SIK3: variants seen among roughly 807,000 people sequenced by gnomAD.
SIK3 encodes the protein serine/threonine-protein kinase SIK3.
A neutral mutation model predicts 144.2 loss-of-function variants in SIK3; 28 were observed. The ratio of observed to expected loss-of-function variants is 0.19; its 90% CI spans 0.14 to 0.27. SIK3 has a LOEUF of 0.27. Among genes scored for constraint, SIK3 ranks in the 10% least tolerant of loss-of-function variants. The pLI, the probability that SIK3 is intolerant of heterozygous loss-of-function variation, is 1.00. For missense variants in SIK3, 1,319 were observed against 1,776.0 expected (o/e 0.74, Z 4.62); for synonymous variants, 686 against 676.3 (o/e 1.01, Z -0.22).
Position 117,013,907 on chromosome 11 carries a change from G to GTGTGTGTGTGTGTAT in SIK3, c.274-56844_274-56843insATACACACACACACA, listed in dbSNP as rs1485971413. Among the ~76,000 whole-genome samples the GTGTGTGTGTGTGTAT allele has an allele frequency of 1.3e-4, 6 of 44,836 alleles. 1 individual carries two copies. The highest frequency in any genetic ancestry group is 2.6e-4 in the Non-Finnish European group (5 of 18,994). 29.4% of individuals were successfully genotyped at this position (44,836 alleles called of 152,430 possible). On this transcript the variant is annotated intron_variant, in intron 1 of 24. Coordinates refer to ENST00000445177, the MANE Select transcript of SIK3 (RefSeq NM_001366686.3). ...TAAGTCTCCAGATTCTGAGGGGGGGGGGGGGAGGGTGTGTGTGTGTGTGTG... is the reference window on the plus strand; with the variant it reads ...TAAGTCTCCAGATTCTGAGGGGGGGGTGTGTGTGTGTGTATGGGGGAGGGTGTGTGTGTGTGTGTG...
intron 1 of SIK3, among the ~76,000 whole-genome samples, chr11:117,033,395 A>T (rs1952350718): frequency 6.6e-6 from 1 of 152,200 alleles, no homozygotes; most frequent in Non-Finnish European, 1.5e-5. Context: ...ACCCTCAATG[A>T]ACTACATAAA....
At position 116,867,237 on chromosome 11, in the gene SIK3, A is replaced by AT. The variant is rs934533309; in HGVS notation, c.1952+708dup. On this transcript the variant is annotated intron_variant, in intron 15 of 24. Coordinates refer to ENST00000445177, the MANE Select transcript of SIK3 (RefSeq NM_001366686.3). This position sits in a 1 kb window ranked among gnomAD's most constrained non-coding sequence, Gnocchi z 4.1. ...TAGCTTCGGAGTGGCCAAGACTGAG[A>AT]TTTTTAGTCATCAAGATAGTCACAG... Among the ~76,000 whole-genome samples, 5 of 152,134 alleles carry AT rather than the reference A, an allele frequency of 3.3e-5. No homozygotes were observed. The highest frequency in any genetic ancestry group is 1.2e-4 in the African/African-American group (5 of 41,432).
At chr11:116,987,433 G>A (rs1303281107) in intron 1 of SIK3, among the ~76,000 whole-genome samples, 2 of 151,820 alleles carry the variant, frequency 1.3e-5, no homozygotes, top group African/African-American at 4.8e-5. Flanking sequence ...CTTCAATCCA[G>A]CAGAAATAAA....
At position 116,843,939 on chromosome 11, in the gene SIK3, C is replaced by T. The variant is rs1941722671; in HGVS notation, c.*1704G>A. ...AGCTGCCAGTATCAGTGGAGAAGGA[C>T]AAGGTGCATGGGGATCCCGCCAGCA... On this transcript the variant is annotated 3_prime_UTR_variant, in exon 25 of 25. Transcript: ENST00000445177. 6.6e-6 allele frequency: 1 copy of T among 152,116 alleles called. No homozygotes were observed. Among genetic ancestry groups the T allele is most frequent in the African/African-American group, 2.4e-5 (1 of 41,394 alleles). The allele number at this position is 152,116 out of a possible 1,614,324, so 9.4% of individuals were successfully genotyped here. A position where few individuals can be genotyped will look rare whatever the true frequency, so the allele number is the denominator to read the frequency against.
intron 1 of SIK3, among the ~76,000 whole-genome samples, chr11:117,045,895 T>C (rs977988789): frequency 6.6e-6 from 1 of 152,220 alleles, no homozygotes; most frequent in Non-Finnish European, 1.5e-5. Context: ...AATCATCCAG[T>C]TTAAACTTTT....
rs534401283 is a variant in SIK3 at position 116,997,561 on chromosome 11, T to G, written c.274-40497A>C. 7.9e-4 allele frequency among the ~76,000 whole-genome samples: 120 copies of G among 152,282 alleles called. 4 individuals are homozygous for G. Among genetic ancestry groups the G allele is most frequent in the Admixed American group, 7.1e-3 (109 of 15,286 alleles). ...TATACACTATTAAAGAAGCAAACATTTATTAATTTATATTTTGCTTTGATT... is the reference window on the plus strand; with the variant it reads ...TATACACTATTAAAGAAGCAAACATGTATTAATTTATATTTTGCTTTGATT... On this transcript the variant is annotated intron_variant, in intron 1 of 24. Coordinates refer to ENST00000445177, the MANE Select transcript of SIK3 (RefSeq NM_001366686.3).
chr11:117,088,850 A>T (rs1591685476), intron 1 of SIK3, among the ~76,000 whole-genome samples: 1 of 131,418 alleles, frequency 7.6e-6, no homozygotes, highest in South Asian at 2.6e-4. Flanking sequence ...GGTTATTTTT[A>T]TTATTATTAT....
chr11:116,875,807 T>C (rs564420906), intron 9 of SIK3, 59 bp downstream of exon 9: 14 of 1,536,484 alleles, frequency 9.1e-6, no homozygotes, highest in South Asian at 6.3e-5. Context: ...GAGCAACAGC[T>C]AACCTTTACC....
At chr11:117,072,596 G>GA (rs1208733454) in intron 1 of SIK3, among the ~76,000 whole-genome samples, 1 of 152,114 alleles carries the variant, frequency 6.6e-6, no homozygotes, top group African/African-American at 2.4e-5. Flanking sequence ...TAATACATAT[G>GA]AAAGATTTTG....
intron 1 of SIK3, among the ~76,000 whole-genome samples, chr11:116,977,682 AAC>A (rs1949996556): frequency 6.6e-6 from 1 of 152,142 alleles, no homozygotes; most frequent in South Asian, 2.1e-4. Context: ...CAAACTAAGA[AAC>A]AGTCTTTGGT....
chr11:117,093,732 G>A (rs539558604), intron 1 of SIK3, among the ~76,000 whole-genome samples: 1 of 151,280 alleles, frequency 6.6e-6, no homozygotes, highest in African/African-American at 2.4e-5. Context: ...GATTTCATGA[G>A]ATTAGCCAGC....
chr11:117,071,551 T>C (rs1465539673), intron 1 of SIK3, among the ~76,000 whole-genome samples: 1 of 151,854 alleles, frequency 6.6e-6, no homozygotes, highest in Non-Finnish European at 1.5e-5. Context: ...TATTTGTAGA[T>C]GAAACAGAAG....
chr11:117,036,017 G>C, intron 1 of SIK3: 1 of 1,482,554 alleles, frequency 6.7e-7, no homozygotes, highest in East Asian at 2.3e-5. Context: ...CTCCTTTTCT[G>C]GAGAGGGATG....
At chr11:116,983,250 G>A (rs183997639) in intron 1 of SIK3, among the ~76,000 whole-genome samples, 8 of 143,010 alleles carry the variant, frequency 5.6e-5, no homozygotes, top group Admixed American at 2.2e-4. Context: ...AAAATTGATC[G>A]GCCAGGCATG....
intron 21 of SIK3, among the ~76,000 whole-genome samples, chr11:116,851,015 G>C (rs937900726): frequency 6.6e-6 from 1 of 152,068 alleles, no homozygotes; most frequent in Admixed American, 6.6e-5. Flanking sequence ...TCTCAAAAAA[G>C]AATAATAAAA....
At chr11:117,047,441 G>A (rs1303521364) in intron 1 of SIK3, among the ~76,000 whole-genome samples, 1 of 152,120 alleles carries the variant, frequency 6.6e-6, no homozygotes, top group Admixed American at 6.6e-5. Context: ...AGGGAGGGTA[G>A]GGAAGGTGGA....
chr11:117,014,894 T>C (rs965576186), intron 1 of SIK3, among the ~76,000 whole-genome samples: 1 of 152,156 alleles, frequency 6.6e-6, no homozygotes, highest in Non-Finnish European at 1.5e-5. Flanking sequence ...CAAGACCCTG[T>C]TTCTACTAAA....
intron 5 of SIK3, among the ~76,000 whole-genome samples, chr11:116,896,632 C>T (rs1003263312): frequency 1.3e-5 from 2 of 152,192 alleles, no homozygotes; most frequent in Admixed American, 6.5e-5. Context: ...TTCTTGGCAA[C>T]GGCCCCCATC....
At chr11:117,051,122 G>A (rs1049797599) in intron 1 of SIK3, among the ~76,000 whole-genome samples, 1 of 152,206 alleles carries the variant, frequency 6.6e-6, no homozygotes, top group Non-Finnish European at 1.5e-5. Flanking sequence ...CCCAGAGAGA[G>A]CAAACGGCAG....
Sources: allele counts gnomAD v4.1 joint callset (sites outside exome capture counted in the v4.1 genomes callset), GRCh38; gene constraint gnomAD v4.1.1; non-coding constraint Gnocchi (gnomAD v3.1); transcripts MANE v1.5; gene names NCBI Gene and HGNC (gene_info 2026-07-23, HGNC 2026-07-21).